TRIM3: variants seen among roughly 807,000 people sequenced by gnomAD.
TRIM3 encodes tripartite motif-containing protein 3.
In TRIM3, 13 loss-of-function variants were observed where a neutral mutation model predicts 66.6. The observed-to-expected ratio is 0.20, with a 90% CI of 0.13 to 0.31. The LOEUF (loss-of-function observed/expected upper bound fraction) is 0.31. Ranked by LOEUF, TRIM3 falls within the 10% of genes least tolerant of loss-of-function variation. The pLI is 1.00. For synonymous variants in TRIM3, 406 were observed against 411.7 expected, an observed-to-expected ratio of 0.99 and a Z score of 0.17; for missense variants, 711 against 1,020.4, an observed-to-expected ratio of 0.70 and a Z score of 4.13.
rs1030395652 is a variant in TRIM3, at chr11:6,450,638, G to A, written c.1871-17C>T. The A allele has an allele frequency of 2.5e-6, 4 of 1,612,832 alleles. No individual in the cohort carries two copies. The African/African-American group carries it at 5.3e-5, about 22-fold the overall frequency. ...AATGGGGCCCTGAAAATACAAAGTG[G>A]TCTTCAGGGCAGTAAGCTGGGATGC... On this transcript the variant is annotated splice_polypyrimidine_tract_variant and intron_variant, in intron 9 of 11. Coordinates refer to ENST00000345851, the MANE Select transcript of TRIM3 (RefSeq NM_033278.4). This position sits in a 1 kb window ranked among gnomAD's most constrained non-coding sequence, Gnocchi z 4.8.
chr11:6,471,020 G>A (rs1382627556), intron 1 of TRIM3, among the ~76,000 whole-genome samples: 1 of 152,196 alleles, frequency 6.6e-6, no homozygotes, highest in African/African-American at 2.4e-5. Context: ...TGGAGGACAG[G>A]AAGCCAGATG....
intron 1 of TRIM3, among the ~76,000 whole-genome samples, chr11:6,472,775 G>C (rs1247319552): frequency 3.9e-5 from 6 of 152,212 alleles, no homozygotes; most frequent in Admixed American, 6.5e-5. Context: ...CTTAATATAA[G>C]GAAGCTTTTC....
intron 1 of TRIM3, among the ~76,000 whole-genome samples, chr11:6,470,726 C>A (rs529521832): frequency 6.6e-6 from 1 of 152,258 alleles, no homozygotes; most frequent in Non-Finnish European, 1.5e-5. Flanking sequence ...GTTCCTGAAG[C>A]CATGGGCGTG....
rs1214144092 is a variant in TRIM3, at chr11:6,457,157, C to T, written c.697-128G>A. 2 of 1,510,806 alleles carry T rather than the reference C, an allele frequency of 1.3e-6. No homozygotes were observed. The highest frequency in any genetic ancestry group is 2.7e-5 in the African/African-American group (2 of 73,204). The allele number at this position is 1,510,806 out of a possible 1,614,324, so 93.6% of individuals were successfully genotyped here. A position where few individuals can be genotyped will look rare whatever the true frequency, so the allele number is the denominator to read the frequency against. ...TGTGGACAGAGGACACAGATGCCCA[C>T]AGCACCTACCGAGGGCATGTCAGGA... On this transcript the variant is annotated intron_variant, in intron 5 of 11. Coordinates refer to ENST00000345851, the MANE Select transcript of TRIM3 (RefSeq NM_033278.4). This position sits in a 1 kb window ranked among gnomAD's most constrained non-coding sequence, Gnocchi z 4.5.
chr11:6,466,834 C>T (rs1850491201), intron 1 of TRIM3, among the ~76,000 whole-genome samples: 1 of 152,184 alleles, frequency 6.6e-6, no homozygotes, highest in Admixed American at 6.5e-5. Flanking sequence ...TGTATTTACT[C>T]CATCCTAACT....
In TRIM3 at chr11:6,456,969, T is replaced by A; in HGVS notation, c.757A>T (p.Ser253Cys). Residue 253 changes from serine (S) to cysteine (C), a missense_variant, in exon 6 of 12, where the codon AGC (serine) becomes TGC (cysteine). By Grantham distance (112) the Ser-to-Cys change is moderately radical. This residue lies in a region of TRIM3 where 399 missense variants were observed against 458.1 expected (regional missense o/e 0.87). Transcript: ENST00000345851. This position sits in a 1 kb window ranked among gnomAD's most constrained non-coding sequence, Gnocchi z 6.4. ...QGQEHIGSSCSFAEQALRLGS... is the reference protein window; with the variant it reads ...QGQEHIGSSCCFAEQALRLGS... ...AGGCGCAGTGCCTGCTCTGCAAAGC[T>A]GCAGCTACTGCCGATGTGTTCCTGA... The A allele has an allele frequency of 6.2e-7, 1 of 1,607,580 alleles. No homozygotes were observed. The highest frequency in any genetic ancestry group is 8.5e-7 in the Non-Finnish European group (1 of 1,178,388).
chr11:6,464,936 G>A (rs1471244997), intron 2 of TRIM3, among the ~76,000 whole-genome samples: 8 of 134,924 alleles, frequency 5.9e-5, no homozygotes, highest in Admixed American at 8.6e-5. Context: ...GCAGTGAGCC[G>A]AGATCGTGCC....
At position 6,457,558 on chromosome 11, in the gene TRIM3, C is replaced by G; in HGVS notation, c.516-82G>C. ...CTTCTCCCTGGGGAACCTACTGCTG[C>G]CCTCATGGAGATCTCCTTCCTGAGA... On this transcript the variant is annotated intron_variant, in intron 4 of 11. Coordinates refer to ENST00000345851, the MANE Select transcript of TRIM3 (RefSeq NM_033278.4). This position sits in a 1 kb window ranked among gnomAD's most constrained non-coding sequence, Gnocchi z 4.5. The G allele has an allele frequency of 1.3e-6, 2 of 1,563,304 alleles. No individual in the cohort carries two copies. The highest frequency in any genetic ancestry group is 1.7e-6 in the Non-Finnish European group (2 of 1,151,534).
chr11:6,450,495 T>A lies in TRIM3; in HGVS notation c.1941+56A>T, dbSNP rs1849676671. On this transcript the variant is annotated intron_variant, in intron 10 of 11. Coordinates refer to ENST00000345851, the MANE Select transcript of TRIM3 (RefSeq NM_033278.4). This position sits in a 1 kb window ranked among gnomAD's most constrained non-coding sequence, Gnocchi z 4.8. ...GAGGAGGTAAAATAGAGAGGAGTCT[T>A]GTGGAAGAGGAAAGGATGTTGGGAC... is the stretch of plus-strand genomic sequence containing the variant. 69 of 1,474,096 alleles carry A rather than the reference T, an allele frequency of 4.7e-5. No homozygotes were observed. The South Asian group carries it at 7.8e-4, about 17-fold the overall frequency. 91.3% of individuals were successfully genotyped at this position (1,474,096 alleles called of 1,614,324 possible). A position where few individuals can be genotyped will look rare whatever the true frequency, so the allele number is the denominator to read the frequency against.
intron 1 of TRIM3, among the ~76,000 whole-genome samples, chr11:6,470,655 G>A (rs145167262): frequency 7.9e-4 from 121 of 152,322 alleles, no homozygotes; most frequent in African/African-American, 2.7e-3. Flanking sequence ...GGAAAGATAC[G>A]CTGAAGCCTA....
chr11:6,455,432 CAG>C (rs1849919760), intron 7 of TRIM3, among the ~76,000 whole-genome samples: 1 of 151,882 alleles, frequency 6.6e-6, no homozygotes, highest in Non-Finnish European at 1.5e-5. Flanking sequence ...CTACAAGAAA[CAG>C]AGGGAAAAAA....
At chr11:6,461,265 T>C (rs2134200096) in intron 2 of TRIM3, among the ~76,000 whole-genome samples, 1 of 152,116 alleles carries the variant, frequency 6.6e-6, no homozygotes, top group East Asian at 1.9e-4. Flanking sequence ...GTGGTTTCTG[T>C]CTCATACTCC....
chr11:6,454,075 C>T (rs1054745411), intron 7 of TRIM3, among the ~76,000 whole-genome samples: 6 of 152,138 alleles, frequency 3.9e-5, no homozygotes, highest in Non-Finnish European at 8.8e-5. Flanking sequence ...CCTCTCAATT[C>T]CCCACTCTGA....
At chr11:6,461,814 T>A (rs887084427) in intron 2 of TRIM3, among the ~76,000 whole-genome samples, 1 of 152,180 alleles carries the variant, frequency 6.6e-6, no homozygotes, top group Non-Finnish European at 1.5e-5. Flanking sequence ...ATTCTCTCCA[T>A]AACAGCTAGG....
chr11:6,455,742 G>A (rs185763130), intron 7 of TRIM3, among the ~76,000 whole-genome samples: 103 of 152,320 alleles, frequency 6.8e-4, no homozygotes, highest in Non-Finnish European at 1.2e-3. Context: ...AAAGTAAGAG[G>A]CTCAAGGAGA....
chr11:6,456,150 T>C lies in TRIM3; in HGVS notation c.1455A>G (p.Glu485=). The part of the protein sequence containing the change: ...RVGSRGREKG[E]FTNLQGVSAA... ...CGGACACACCTTGTAAATTGGTGAA[T>C]TCACCTTTCTCCCTTCCACGACTGC... Residue 485 remains glutamate (E), a synonymous_variant, in exon 7 of 12, where the codon GAA becomes GAG. Transcript: ENST00000345851. The surrounding 1 kb of genome is among the most constrained non-coding windows in gnomAD (Gnocchi z 6.4). 2 of 1,614,132 alleles carry C rather than the reference T, an allele frequency of 1.2e-6. No individual in the cohort carries two copies. Among genetic ancestry groups the C allele is most frequent in the Non-Finnish European group, 1.7e-6 (2 of 1,180,032 alleles).
chr11:6,465,774 T>C, intron 1 of TRIM3, 42 bp from the exon 2 acceptor site: 1 of 1,560,588 alleles, frequency 6.4e-7, no homozygotes, highest in Admixed American at 1.7e-5. Context: ...CCAGAACTTC[T>C]TCTCCCCACC....
Position 6,450,340 on chromosome 11 carries a change from G to T in TRIM3, c.1941+211C>A. ...CTCTTCCCTACTAGACTATAATCAA[G>T]AAGACACAGAATACATTTGCTTTGT... On this transcript the variant is annotated intron_variant, in intron 10 of 11. Coordinates refer to ENST00000345851, the MANE Select transcript of TRIM3 (RefSeq NM_033278.4). The surrounding 1 kb of genome is among the most constrained non-coding windows in gnomAD (Gnocchi z 4.8). 1.7e-6 allele frequency: 1 copy of T among 577,812 alleles called. No individual in the cohort carries two copies. Among genetic ancestry groups the T allele is most frequent in the Non-Finnish European group, 3.1e-6 (1 of 324,556 alleles). The allele number at this position is 577,812 out of a possible 1,614,324, so 35.8% of individuals were successfully genotyped here.
Position 6,449,480 on chromosome 11 carries a change from G to T in TRIM3, c.1942-34C>A. On this transcript the variant is annotated intron_variant, in intron 10 of 11. Transcript: ENST00000345851. The surrounding 1 kb of genome is among the most constrained non-coding windows in gnomAD (Gnocchi z 5.3). The stretch of plus-strand genomic sequence containing the variant: ...GGAAGGGGCTAGGGACTGGGGACCT[G>T]GCCTCAGGCAGAGGGTAGGGCTTTG... 1 of 1,597,116 alleles carries T rather than the reference G, an allele frequency of 6.3e-7. No individual in the cohort carries two copies. Among genetic ancestry groups the T allele is most frequent in the Non-Finnish European group, 8.6e-7 (1 of 1,169,242 alleles).
Sources: allele counts gnomAD v4.1 joint callset (sites outside exome capture counted in the v4.1 genomes callset), GRCh38; gene constraint gnomAD v4.1.1; regional missense constraint gnomAD v4.1.1; non-coding constraint Gnocchi (gnomAD v3.1); transcripts MANE v1.5; gene names NCBI Gene and HGNC (gene_info 2026-07-23, HGNC 2026-07-21).